Variants in ADAP1 observed in about 807,000 individuals in gnomAD.
ADAP1 encodes arf-GAP with dual PH domain-containing protein 1.
In ADAP1, 31 loss-of-function variants were observed where a neutral mutation model predicts 54.9. The ratio of observed to expected loss-of-function variants is 0.56; its 90% confidence interval spans 0.42 to 0.76. ADAP1 has a LOEUF of 0.76. Ranked by LOEUF, ADAP1 falls within the 30% of genes least tolerant of loss-of-function variation. The pLI is 0.00. For missense variants in ADAP1, 535 were observed against 512.4 expected, an observed-to-expected ratio of 1.04 and a Z score of -0.42; for synonymous variants, 313 against 202.6, an observed-to-expected ratio of 1.55 and a Z score of -4.63.
rs753351740 is a variant in ADAP1, at chr7:946,038, G to T, written c.82+8358C>A. ...TCGGACGCTGGCTCTGGCCAGGCAC[G>T]CAAGGGGCAGCCGAGGTGGGAGGGT... is the stretch of plus-strand genomic sequence containing the variant. On this transcript the variant is annotated intron_variant, in intron 1 of 10. Transcript: ENST00000265846. The surrounding 1 kb of genome is among the most constrained non-coding windows in gnomAD (Gnocchi z 4.3). Among the ~76,000 whole-genome samples the T allele has an allele frequency of 6.6e-6, 1 of 152,206 alleles. No homozygotes were observed. The highest frequency in any genetic ancestry group is 1.5e-5 in the Non-Finnish European group (1 of 68,034).
chr7:901,149 G>A, intron 6 of ADAP1: 2 of 408,402 alleles, frequency 4.9e-6, no homozygotes, highest in African/African-American at 2.1e-5. Flanking sequence ...TGGTCCTCTG[G>A]AGAGCGTGGG....
chr7:910,504 C>T (rs1045402708), intron 4 of ADAP1, among the ~76,000 whole-genome samples: 1 of 152,180 alleles, frequency 6.6e-6, no homozygotes. Context: ...TCCTGCCTCT[C>T]CTCCCACCAT....
At chr7:910,696 T>C (rs1214234119) in intron 4 of ADAP1, among the ~76,000 whole-genome samples, 1 of 152,186 alleles carries the variant, frequency 6.6e-6, no homozygotes, top group Non-Finnish European at 1.5e-5. Context: ...CTGCTCTGAG[T>C]GACAGCTCAC....
chr7:945,915 G>C lies in ADAP1; in HGVS notation c.82+8481C>G, dbSNP rs1847124747. On this transcript the variant is annotated intron_variant, in intron 1 of 10. Transcript: ENST00000265846. This position sits in a 1 kb window ranked among gnomAD's most constrained non-coding sequence, Gnocchi z 4.2. ...CAGGCTGGGGCACGGGCAGGGGGAA[G>C]GGCAGTAGCCAAGCCTGTCCATGGG... 2.6e-6 allele frequency: 2 copies of C among 778,310 alleles called. No individual in the cohort carries two copies. The highest frequency in any genetic ancestry group is 5.8e-5 in the South Asian group (1 of 17,240). The allele number at this position is 778,310 out of a possible 1,614,324, so 48.2% of individuals were successfully genotyped here. A position where few individuals can be genotyped will look rare whatever the true frequency, so the allele number is the denominator to read the frequency against.
intron 2 of ADAP1, among the ~76,000 whole-genome samples, chr7:930,127 A>AAAAAC (rs1846522730): frequency 7.0e-6 from 1 of 141,950 alleles, no homozygotes; most frequent in African/African-American, 2.6e-5. Flanking sequence ...AAAAAAAAAA[A>AAAAAC]CCCTCAGGCA....
intron 2 of ADAP1, among the ~76,000 whole-genome samples, chr7:928,930 A>C (rs1846475015): frequency 6.6e-6 from 1 of 152,258 alleles, no homozygotes; most frequent in South Asian, 2.1e-4. Context: ...AACAAGCCCC[A>C]GCTCCGTGAA....
chr7:933,253 G>A (rs1282073067), intron 2 of ADAP1, among the ~76,000 whole-genome samples: 4 of 150,566 alleles, frequency 2.7e-5, no homozygotes, highest in Middle Eastern at 6.9e-3. Context: ...CCTGGGCGAC[G>A]AAGCCAGACT....
At chr7:909,095 C>A (rs189203175) in intron 4 of ADAP1, among the ~76,000 whole-genome samples, 1,696 of 152,166 alleles carry the variant, frequency 0.011, 17 homozygotes, top group Non-Finnish European at 0.014. Flanking sequence ...CCGGTGTTCT[C>A]GGGGTCCAGA....
Position 954,603 on chromosome 7 carries a change from C to A in ADAP1, c.-126G>T, listed in dbSNP as rs1475592101. 3.1e-6 allele frequency: 3 copies of A among 983,046 alleles called. No homozygotes were observed. Among genetic ancestry groups the A allele is most frequent in the Middle Eastern group, 5.1e-4 (1 of 1,944 alleles). 60.9% of individuals were successfully genotyped at this position (983,046 alleles called of 1,614,324 possible). On this transcript the variant is annotated 5_prime_UTR_variant, in exon 1 of 11. Transcript: ENST00000265846. Reference sequence around the variant, plus strand: ...CGCCATCCCGGGCGGCCTCAGCCCGCGCGCCGGTTCCGCATTCCCGCCGCC... The same window carrying A: ...CGCCATCCCGGGCGGCCTCAGCCCGAGCGCCGGTTCCGCATTCCCGCCGCC...
At chr7:913,980 T>C (rs1436101485) in intron 4 of ADAP1, among the ~76,000 whole-genome samples, 5 of 152,140 alleles carry the variant, frequency 3.3e-5, no homozygotes, top group African/African-American at 1.2e-4. Flanking sequence ...ATCCTTCCTT[T>C]TGGGTGGCCT....
At chr7:911,308 C>A (rs936483622) in intron 4 of ADAP1, among the ~76,000 whole-genome samples, 3 of 152,136 alleles carry the variant, frequency 2.0e-5, no homozygotes, top group Non-Finnish European at 4.4e-5. Context: ...GAGACCCCCC[C>A]ACTCACACAC....
intron 4 of ADAP1, among the ~76,000 whole-genome samples, chr7:914,337 C>A (rs577457334): frequency 6.6e-6 from 1 of 152,202 alleles, no homozygotes. Flanking sequence ...TCCCTGTGGT[C>A]GTGAGGTGTC....
intron 6 of ADAP1, among the ~76,000 whole-genome samples, chr7:901,661 C>G (rs1255701510): frequency 4.4e-5 from 6 of 137,838 alleles, no homozygotes; most frequent in Non-Finnish European, 7.8e-5. Flanking sequence ...TGCCCCTCAT[C>G]GGCCTCCAGC....
intron 4 of ADAP1, among the ~76,000 whole-genome samples, chr7:919,739 G>A (rs1177349707): frequency 2.7e-5 from 1 of 36,982 alleles, no homozygotes; most frequent in Non-Finnish European, 5.1e-5. Flanking sequence ...TGGGAGAGAC[G>A]GGGAGAGGGA....
At chr7:911,864 G>A (rs1313142210) in intron 4 of ADAP1, among the ~76,000 whole-genome samples, 2 of 152,214 alleles carry the variant, frequency 1.3e-5, no homozygotes, top group East Asian at 1.9e-4. Flanking sequence ...GGGCAATGGG[G>A]CAGCCCTACC....
At chr7:952,392 C>T (rs1301971688) in intron 1 of ADAP1, among the ~76,000 whole-genome samples, 1 of 152,220 alleles carries the variant, frequency 6.6e-6, no homozygotes, top group Non-Finnish European at 1.5e-5. Flanking sequence ...GGACAGTGTT[C>T]TGAGGACAGC....
At chr7:916,398 T>TA (rs1845933794) in intron 4 of ADAP1, among the ~76,000 whole-genome samples, 1 of 152,218 alleles carries the variant, frequency 6.6e-6, no homozygotes, top group Non-Finnish European at 1.5e-5. Context: ...TTCCATCCTT[T>TA]ACAACCAGAG....
chr7:900,487 CA>C, intron 7 of ADAP1, 45 bp downstream of exon 7: 7 of 1,403,426 alleles, frequency 5.0e-6, no homozygotes, highest in Admixed American at 1.9e-5. Context: ...CCCCCCACCC[CA>C]CCACCCCTGT....
intron 5 of ADAP1, 120 bp downstream of exon 5, chr7:904,940 C>A (rs1421467933): frequency 3.5e-6 from 3 of 847,748 alleles, no homozygotes; most frequent in Middle Eastern, 3.2e-4. Flanking sequence ...GGAGCGTCCC[C>A]ATCGGGGGGG....
Sources: allele counts gnomAD v4.1 joint callset (sites outside exome capture counted in the v4.1 genomes callset), GRCh38; gene constraint gnomAD v4.1.1; non-coding constraint Gnocchi (gnomAD v3.1); transcripts MANE v1.5; gene names NCBI Gene and HGNC (gene_info 2026-07-23, HGNC 2026-07-21).